ZRANB3: variants seen among roughly 807,000 people sequenced by gnomAD.
ZRANB3 encodes zinc finger RANBP2-type containing 3, also known as DNA annealing helicase and endonuclease ZRANB3.
In ZRANB3, 125 loss-of-function variants were observed where a neutral mutation model predicts 133.8. The ratio of observed to expected loss-of-function variants is 0.93; its 90% confidence interval spans 0.81 to 1.08. The LOEUF is 1.08. ZRANB3 is among the 50% of genes least tolerant of loss of function. The pLI, the probability that ZRANB3 is intolerant of heterozygous loss-of-function variation, is 0.00. For synonymous variants in ZRANB3, 387 were observed against 432.7 expected (o/e 0.89, Z 1.31); for missense variants, 1,229 against 1,275.5 (o/e 0.96, Z 0.56).
At chr2:135,376,769 G>T (rs189546052) in intron 3 of ZRANB3, among the ~76,000 whole-genome samples, 61 of 152,274 alleles carry the variant, frequency 4.0e-4, no homozygotes, top group Middle Eastern at 6.8e-3. Flanking sequence ...ATGAATACAA[G>T]ACATTAAGCA....
chr2:135,499,652 A>T (rs756988374), intron 2 of ZRANB3, among the ~76,000 whole-genome samples: 4 of 152,220 alleles, frequency 2.6e-5, no homozygotes, highest in Non-Finnish European at 5.9e-5. Flanking sequence ...CTCAATGTAC[A>T]TCACTATATA....
At chr2:135,450,123 A>C (rs1467682581) in intron 2 of ZRANB3, among the ~76,000 whole-genome samples, 1 of 152,096 alleles carries the variant, frequency 6.6e-6, no homozygotes, top group Non-Finnish European at 1.5e-5. Flanking sequence ...TGAAACCAAC[A>C]TCTGTCTCCT....
intron 8 of ZRANB3, among the ~76,000 whole-genome samples, chr2:135,306,324 G>T: frequency 1.5e-5 from 2 of 134,260 alleles, no homozygotes; most frequent in Admixed American, 8.5e-5. Flanking sequence ...GTCTCACTCT[G>T]TCACCCAGGC....
At chr2:135,203,696 T>C (rs1349541599) in intron 19 of ZRANB3, among the ~76,000 whole-genome samples, 1 of 152,162 alleles carries the variant, frequency 6.6e-6, no homozygotes, top group Non-Finnish European at 1.5e-5. Context: ...CTAAATGCTT[T>C]TGTCACTATA....
At chr2:135,405,513 A>G (rs893045729) in intron 2 of ZRANB3, among the ~76,000 whole-genome samples, 2 of 152,236 alleles carry the variant, frequency 1.3e-5, no homozygotes, top group African/African-American at 4.8e-5. Flanking sequence ...TGAACAAAAT[A>G]TACATTCTTC....
intron 2 of ZRANB3, among the ~76,000 whole-genome samples, chr2:135,453,340 T>C (rs1464266212): frequency 6.6e-6 from 1 of 152,238 alleles, no homozygotes; most frequent in African/African-American, 2.4e-5. Context: ...CCATGGTCTT[T>C]TGGATTAACA....
At chr2:135,321,412 G>A (rs745578414) in intron 6 of ZRANB3, among the ~76,000 whole-genome samples, 2 of 151,438 alleles carry the variant, frequency 1.3e-5, no homozygotes, top group South Asian at 2.1e-4. Flanking sequence ...TAGGTCAAGC[G>A]CCTTTCTAAA....
In ZRANB3 at chr2:135,343,010, C is replaced by CAAA. The variant is rs11435525; in HGVS notation, c.677+2537_677+2539dup. Among the ~76,000 whole-genome samples the CAAA allele has an allele frequency of 2.7e-3, 147 of 55,176 alleles. 2 individuals carry two copies. The highest frequency in any genetic ancestry group is 9.5e-3 in the African/African-American group (108 of 11,366). 36.2% of individuals were successfully genotyped at this position (55,176 alleles called of 152,430 possible). A position where few individuals can be genotyped will look rare whatever the true frequency, so the allele number is the denominator to read the frequency against. ...CGAAACCCTGTCTCTACTAAAAATC[C>CAAA]AAAAAAAAAAAAAAAAAAAAAAAAA... On this transcript the variant is annotated intron_variant, in intron 6 of 20. Coordinates refer to ENST00000264159, the MANE Select transcript of ZRANB3 (RefSeq NM_032143.4).
At position 135,282,216 on chromosome 2, in the gene ZRANB3, A is replaced by T. The variant is rs560571439; in HGVS notation, c.967-6461T>A. Reference sequence around the variant, plus strand: ...ACTATCCTTTAAAATTATCTTAAATAAGCAGAGCCAAGTACCAAAGTAAAG... The same window carrying T: ...ACTATCCTTTAAAATTATCTTAAATTAGCAGAGCCAAGTACCAAAGTAAAG... On this transcript the variant is annotated intron_variant, in intron 8 of 20. Coordinates refer to ENST00000264159, the MANE Select transcript of ZRANB3 (RefSeq NM_032143.4). 3.3e-5 allele frequency among the ~76,000 whole-genome samples: 5 copies of T among 152,302 alleles called. No individual in the cohort carries two copies. In the South Asian group the frequency reaches 1.0e-3, roughly 32 times the overall value.
chr2:135,493,928 C>T (rs1360700492), intron 2 of ZRANB3, among the ~76,000 whole-genome samples: 1 of 152,084 alleles, frequency 6.6e-6, no homozygotes, highest in Non-Finnish European at 1.5e-5. Context: ...GGTAAAACAA[C>T]ATAGATGAAA....
chr2:135,209,710 G>C (rs1694018814), intron 17 of ZRANB3, among the ~76,000 whole-genome samples: 1 of 151,968 alleles, frequency 6.6e-6, no homozygotes, highest in Admixed American at 6.6e-5. Flanking sequence ...CTTATTAATT[G>C]GCCTAGTTTC....
At chr2:135,348,775 G>C (rs771878618) in intron 5 of ZRANB3, among the ~76,000 whole-genome samples, 12 of 152,014 alleles carry the variant, frequency 7.9e-5, no homozygotes, top group Non-Finnish European at 1.6e-4. Flanking sequence ...TGTGTTTTTA[G>C]TAAAGATGGG....
chr2:135,472,638 T>C (rs1691321760), intron 2 of ZRANB3, among the ~76,000 whole-genome samples: 1 of 152,164 alleles, frequency 6.6e-6, no homozygotes, highest in South Asian at 2.1e-4. Flanking sequence ...CAGAATGCCA[T>C]TGTCCATATT....
At chr2:135,372,786 CAA>C (rs536156455) in intron 3 of ZRANB3, among the ~76,000 whole-genome samples, 7 of 53,754 alleles carry the variant, frequency 1.3e-4, no homozygotes, top group Non-Finnish European at 1.2e-4. Flanking sequence ...GACTCCATCT[CAA>C]AAAAAAAAAA....
At chr2:135,397,068 A>G (rs1277506695) in intron 2 of ZRANB3, among the ~76,000 whole-genome samples, 4 of 152,120 alleles carry the variant, frequency 2.6e-5, no homozygotes, top group African/African-American at 9.7e-5. Context: ...TTGAGTCTGT[A>G]GTGAGCTATT....
intron 2 of ZRANB3, among the ~76,000 whole-genome samples, chr2:135,405,149 A>G (rs1441132353): frequency 6.6e-6 from 1 of 152,174 alleles, no homozygotes; most frequent in Non-Finnish European, 1.5e-5. Context: ...TGGAAAACAA[A>G]AAAAGGCAGG....
intron 20 of ZRANB3, among the ~76,000 whole-genome samples, chr2:135,202,178 A>G (rs1322032917): frequency 6.6e-6 from 1 of 152,234 alleles, no homozygotes; most frequent in Non-Finnish European, 1.5e-5. Flanking sequence ...GAATGGTTAG[A>G]GTACATGAGA....
intron 2 of ZRANB3, among the ~76,000 whole-genome samples, chr2:135,430,078 G>T (rs183323887): frequency 2.6e-5 from 4 of 151,990 alleles, no homozygotes; most frequent in Non-Finnish European, 5.9e-5. Flanking sequence ...TGGGCGGCTG[G>T]GGTGGGAGGA....
chr2:135,281,018 G>T (rs1179087125), intron 8 of ZRANB3, among the ~76,000 whole-genome samples: 1 of 152,134 alleles, frequency 6.6e-6, no homozygotes, highest in East Asian at 1.9e-4. Flanking sequence ...CCTGTCTTTA[G>T]CAAGAATCCC....
Sources: gnomAD v4.1 joint callset for allele counts (sites outside exome capture counted in the v4.1 genomes callset) on GRCh38, gnomAD v4.1.1 for gene constraint, MANE v1.5 for transcripts, NCBI Gene and HGNC (gene_info 2026-07-23, HGNC 2026-07-21) for gene names.